STAU2: variants seen among roughly 807,000 people sequenced by gnomAD.
STAU2 encodes the protein staufen double-stranded RNA binding protein 2.
In STAU2, 20 loss-of-function variants were observed where a neutral mutation model predicts 65.9. That is an observed-to-expected ratio of 0.30 (90% CI 0.21 to 0.44). The LOEUF (loss-of-function observed/expected upper bound fraction) is 0.44. Ranked by LOEUF, STAU2 falls within the 20% of genes least tolerant of loss-of-function variation. The pLI, the probability that STAU2 is intolerant of heterozygous loss-of-function variation, is 1.00. For missense variants in STAU2, 558 were observed against 683.9 expected (o/e 0.82, Z 2.05); for synonymous variants, 232 against 233.9 (o/e 0.99, Z 0.07).
chr8:73,747,018 C>A (rs1807339327), upstream of STAU2: 2 of 256,306 alleles, frequency 7.8e-6, no homozygotes, highest in African/African-American at 2.3e-5. Context: ...CGCCCGGCAC[C>A]GGCTCTACCT....
At chr8:73,520,799 C>T (rs1052026397) in intron 13 of STAU2, among the ~76,000 whole-genome samples, 11 of 152,168 alleles carry the variant, frequency 7.2e-5, no homozygotes, top group African/African-American at 2.7e-4. Flanking sequence ...ATGGGAATAA[C>T]CTGAGTCCTT....
chr8:73,633,561 T>C (rs1257150627), intron 6 of STAU2, among the ~76,000 whole-genome samples: 3 of 152,126 alleles, frequency 2.0e-5, no homozygotes, highest in Non-Finnish European at 2.9e-5. Flanking sequence ...CCTCTTAACA[T>C]TGGGCATGAT....
intron 13 of STAU2, among the ~76,000 whole-genome samples, chr8:73,524,657 C>A (rs1423677592): frequency 6.6e-6 from 1 of 152,106 alleles, no homozygotes; most frequent in Non-Finnish European, 1.5e-5. Context: ...TAAGAACAAC[C>A]TGTGTTTCAT....
At chr8:73,672,686 T>C (rs1817767502) in intron 6 of STAU2, among the ~76,000 whole-genome samples, 1 of 152,210 alleles carries the variant, frequency 6.6e-6, no homozygotes, top group African/African-American at 2.4e-5. Context: ...TTTACATTTT[T>C]TCTTTTTTCC....
At chr8:73,668,333 A>G (rs1639820104) in intron 6 of STAU2, among the ~76,000 whole-genome samples, 1 of 152,170 alleles carries the variant, frequency 6.6e-6, no homozygotes, top group African/African-American at 2.4e-5. Flanking sequence ...ACATCTCCCC[A>G]AGAGATATCC....
At chr8:73,534,639 T>C (rs1806066412) in intron 13 of STAU2, among the ~76,000 whole-genome samples, 1 of 152,196 alleles carries the variant, frequency 6.6e-6, no homozygotes, top group South Asian at 2.1e-4. Flanking sequence ...CATCCACTCA[T>C]AATGTAATAA....
At chr8:73,485,132 A>G (rs1585854869) in intron 13 of STAU2, among the ~76,000 whole-genome samples, 1 of 137,752 alleles carries the variant, frequency 7.3e-6, no homozygotes, top group Admixed American at 8.0e-5. Context: ...TGAGAACTAC[A>G]TCCTTACTCT....
chr8:73,633,751 C>T (rs778029661), intron 6 of STAU2, among the ~76,000 whole-genome samples: 1 of 152,188 alleles, frequency 6.6e-6, no homozygotes, highest in Non-Finnish European at 1.5e-5. Context: ...GAGGCCGAGG[C>T]GGCTGGATCA....
intron 12 of STAU2, among the ~76,000 whole-genome samples, chr8:73,571,853 C>G (rs931449269): frequency 6.6e-6 from 1 of 152,030 alleles, no homozygotes; most frequent in African/African-American, 2.4e-5. Flanking sequence ...GAAGCAAGAG[C>G]AAACACATTC....
chr8:73,593,841 G>A (rs1242679659), intron 11 of STAU2, among the ~76,000 whole-genome samples: 1 of 149,544 alleles, frequency 6.7e-6, no homozygotes, highest in African/African-American at 2.5e-5. Context: ...AATCACATGG[G>A]CCAATTCCTT....
intron 3 of STAU2, among the ~76,000 whole-genome samples, chr8:73,723,130 A>G (rs1294240440): frequency 2.0e-5 from 3 of 151,528 alleles, no homozygotes; most frequent in African/African-American, 7.3e-5. Context: ...ACACACATAC[A>G]CACACACACA....
At chr8:73,426,029 G>A (rs1408562919) in intron 13 of STAU2, among the ~76,000 whole-genome samples, 1 of 152,216 alleles carries the variant, frequency 6.6e-6, no homozygotes, top group Non-Finnish European at 1.5e-5. Flanking sequence ...CTAGCCTCAA[G>A]TGATCCACCT....
intron 9 of STAU2, among the ~76,000 whole-genome samples, chr8:73,604,628 T>C (rs1053413222): frequency 1.3e-5 from 2 of 152,044 alleles, no homozygotes; most frequent in African/African-American, 2.4e-5. Context: ...AAAAGGGAAA[T>C]GGGCAAAAGA....
At chr8:73,465,462 C>T (rs79683210) in intron 13 of STAU2, among the ~76,000 whole-genome samples, 2,042 of 152,240 alleles carry the variant, frequency 0.013, 52 homozygotes, top group African/African-American at 0.047. Flanking sequence ...GAATGCCTCA[C>T]GTATTACTGT....
intron 1 of STAU2, among the ~76,000 whole-genome samples, chr8:73,743,004 T>A (rs1051011307): frequency 1.3e-5 from 2 of 152,000 alleles, no homozygotes; most frequent in Non-Finnish European, 2.9e-5. Context: ...GCAAAAAAAA[T>A]TTACTATCTC....
intron 13 of STAU2, among the ~76,000 whole-genome samples, chr8:73,467,575 C>T (rs1356405424): frequency 6.6e-6 from 1 of 152,160 alleles, no homozygotes; most frequent in African/African-American, 2.4e-5. Flanking sequence ...GTTCTTCTCA[C>T]ACTGTCCCTC....
intron 9 of STAU2, 96 bp downstream of exon 9, chr8:73,613,648 T>A: frequency 1.1e-6 from 1 of 907,758 alleles, no homozygotes; most frequent in Non-Finnish European, 1.6e-6. Context: ...ATATAGTCCA[T>A]AAGTTCAGGG....
At chr8:73,668,371 TG>T (rs1394725694) in intron 6 of STAU2, among the ~76,000 whole-genome samples, 35 of 152,322 alleles carry the variant, frequency 2.3e-4, no homozygotes, top group African/African-American at 7.9e-4. Context: ...AATTCCCATT[TG>T]CACATAACCT....
intron 1 of STAU2, among the ~76,000 whole-genome samples, chr8:73,741,856 T>A (rs1806908927): frequency 6.6e-6 from 1 of 152,108 alleles, no homozygotes; most frequent in African/African-American, 2.4e-5. Flanking sequence ...TTCCATGAAG[T>A]AACAAAAAAT....
Sources: gnomAD v4.1 joint callset for allele counts (sites outside exome capture counted in the v4.1 genomes callset) on GRCh38, gnomAD v4.1.1 for gene constraint, MANE v1.5 for transcripts, NCBI Gene and HGNC (gene_info 2026-07-23, HGNC 2026-07-21) for gene names.